Variants in NTN4 observed in about 807,000 individuals in gnomAD.
NTN4 encodes the protein netrin-4.
Under a neutral mutation model 73.6 loss-of-function variants are expected in NTN4, and 32 were observed. That is an observed-to-expected ratio of 0.44 (90% CI 0.33 to 0.58). The LOEUF is 0.58. Ranked by LOEUF, NTN4 falls within the 20% of genes least tolerant of loss-of-function variation. The pLI is 0.04. For synonymous variants in NTN4, 258 were observed against 287.5 expected (o/e 0.90, Z 1.04); for missense variants, 654 against 798.3 (o/e 0.82, Z 2.18).
rs1362190248 is a variant in NTN4, at chr12:95,710,542, TCA to T, written c.1077_1078del (p.Cys359Ter). On this transcript the variant is annotated stop_gained and frameshift_variant, in exon 5 of 10. Transcript: ENST00000343702. LOFTEE classifies it high-confidence loss of function. ...TCCTTCTGTGTTGTGCTGACAGTCA[TCA>T]CAGACACCACCACTACGATTCCCTG... 6.2e-7 allele frequency: 1 copy of T among 1,614,124 alleles called. No homozygotes were observed. The highest frequency in any genetic ancestry group is 8.5e-7 in the Non-Finnish European group (1 of 1,179,984).
intron 2 of NTN4, among the ~76,000 whole-genome samples, chr12:95,775,958 CA>C (rs2079088970): frequency 6.6e-6 from 1 of 152,188 alleles, no homozygotes; most frequent in Non-Finnish European, 1.5e-5. Flanking sequence ...TCCTCTGAGA[CA>C]AAACTTCCAG....
chr12:95,777,545 C>T (rs990992086), intron 2 of NTN4, among the ~76,000 whole-genome samples: 16 of 151,988 alleles, frequency 1.1e-4, no homozygotes, highest in African/African-American at 2.2e-4. Context: ...AAACCAACAA[C>T]GATCAAAAGA....
At chr12:95,742,368 A>C (rs1238465082) in intron 2 of NTN4, among the ~76,000 whole-genome samples, 4 of 149,678 alleles carry the variant, frequency 2.7e-5, no homozygotes, top group Non-Finnish European at 4.5e-5. Flanking sequence ...GTGGCGTTAA[A>C]AAAAAAAAAA....
Position 95,783,512 on chromosome 12 carries a change from A to G in NTN4, c.585+3427T>C, listed in dbSNP as rs2079146974. Among the ~76,000 whole-genome samples, 3 of 152,318 alleles carry G rather than the reference A, an allele frequency of 2.0e-5. No individual in the cohort carries two copies. In the South Asian group the frequency reaches 6.2e-4, roughly 32 times the overall value. The stretch of plus-strand genomic sequence containing the variant: ...TTTACCTTCATGTCATCTCCAAATG[A>G]ATAGCAGCAAATGGCTTTAAGAGAG... On this transcript the variant is annotated intron_variant, in intron 2 of 9. Coordinates refer to ENST00000343702, the MANE Select transcript of NTN4 (RefSeq NM_021229.4).
chr12:95,776,331 GAGA>G (rs1482681855), intron 2 of NTN4, among the ~76,000 whole-genome samples: 2 of 152,206 alleles, frequency 1.3e-5, no homozygotes, highest in Admixed American at 6.5e-5. Context: ...GATGAGTTGA[GAGA>G]AGAAGGCTTC....
At chr12:95,760,321 A>G (rs2121242840) in intron 2 of NTN4, among the ~76,000 whole-genome samples, 1 of 152,342 alleles carries the variant, frequency 6.6e-6, no homozygotes, top group Admixed American at 6.5e-5. Flanking sequence ...TTCAACTACT[A>G]CTTTCTGACA....
chr12:95,751,940 C>CCG, intron 2 of NTN4, among the ~76,000 whole-genome samples: 3 of 145,250 alleles, frequency 2.1e-5, no homozygotes, highest in African/African-American at 5.2e-5. Context: ...CCTTATTAGG[C>CCG]TGACGCTTTA....
At chr12:95,779,646 G>T (rs1022727349) in intron 2 of NTN4, among the ~76,000 whole-genome samples, 1 of 151,842 alleles carries the variant, frequency 6.6e-6, no homozygotes, top group Non-Finnish European at 1.5e-5. Context: ...ACTGCTCAAT[G>T]AAATAAAAGA....
At chr12:95,722,856 T>C (rs1337933685) in intron 3 of NTN4, among the ~76,000 whole-genome samples, 2 of 150,046 alleles carry the variant, frequency 1.3e-5, no homozygotes, top group African/African-American at 2.4e-5. Flanking sequence ...GTGCTGTAAT[T>C]CCACTTACTT....
intron 5 of NTN4, 30 bp downstream of exon 5, chr12:95,710,411 C>T (rs1346821441): frequency 1.9e-6 from 3 of 1,575,158 alleles, no homozygotes; most frequent in African/African-American, 1.4e-5. Flanking sequence ...TACAAATCAG[C>T]CTATTTTCTG....
chr12:95,715,546 A>G (rs2078599288), intron 3 of NTN4, among the ~76,000 whole-genome samples: 1 of 152,144 alleles, frequency 6.6e-6, no homozygotes, highest in Non-Finnish European at 1.5e-5. Context: ...AAGTTTCTAT[A>G]TCAAAATTCC....
intron 4 of NTN4, among the ~76,000 whole-genome samples, chr12:95,711,860 C>A (rs2121087828): frequency 6.6e-6 from 1 of 152,224 alleles, no homozygotes; most frequent in African/African-American, 2.4e-5. Flanking sequence ...GAATAAGAAT[C>A]CAGATTTTTG....
intron 2 of NTN4, among the ~76,000 whole-genome samples, chr12:95,773,505 T>C (rs2079071895): frequency 6.6e-6 from 1 of 152,106 alleles, no homozygotes; most frequent in African/African-American, 2.4e-5. Context: ...ATCACTCTGA[T>C]CTCACCTACT....
intron 2 of NTN4, among the ~76,000 whole-genome samples, chr12:95,765,567 G>A (rs374251026): frequency 9.2e-5 from 14 of 152,256 alleles, no homozygotes; most frequent in Admixed American, 1.3e-4. Flanking sequence ...GTATTTGTAC[G>A]TTAGTTGTCT....
chr12:95,714,963 G>A (rs2078594909), intron 3 of NTN4, among the ~76,000 whole-genome samples: 1 of 152,120 alleles, frequency 6.6e-6, no homozygotes, highest in Non-Finnish European at 1.5e-5. Flanking sequence ...CCGATACACT[G>A]ATATACTACT....
At chr12:95,747,701 T>C (rs1445700244) in intron 2 of NTN4, among the ~76,000 whole-genome samples, 2 of 152,180 alleles carry the variant, frequency 1.3e-5, no homozygotes, top group Non-Finnish European at 2.9e-5. Context: ...TCAATAATGT[T>C]ACTGAATGAG....
chr12:95,683,784 C>T (rs2120995295), intron 5 of NTN4, 73 bp from the exon 6 acceptor site: 1 of 1,183,772 alleles, frequency 8.4e-7, no homozygotes, highest in East Asian at 2.6e-5. Flanking sequence ...GCTTGACCAT[C>T]CCCAAGTGGC....
intron 9 of NTN4, 38 bp downstream of exon 9, chr12:95,665,772 A>G (rs377480246): frequency 1.6e-5 from 24 of 1,520,442 alleles, no homozygotes; most frequent in Non-Finnish European, 2.0e-5. Flanking sequence ...ATCAGCAGAG[A>G]CAAGGTAGGT....
In NTN4 at chr12:95,681,789, C is replaced by CT. The variant is rs374043942; in HGVS notation, c.1510+917dup. Among the ~76,000 whole-genome samples the CT allele has an allele frequency of 4.2e-3, 638 of 152,246 alleles. 1 individual carries two copies. The highest frequency in any genetic ancestry group is 7.4e-3 in the Non-Finnish European group (504 of 68,022). Reference sequence around the variant, plus strand: ...GCCCATATTGAGTAAACTCAAAGAGCTATATTTATGTAGTGAGCAGTGTTT... The same window carrying CT: ...GCCCATATTGAGTAAACTCAAAGAGCTTATATTTATGTAGTGAGCAGTGTTT... On this transcript the variant is annotated intron_variant, in intron 7 of 9. Transcript: ENST00000343702.
Sources: gnomAD v4.1 joint callset for allele counts (sites outside exome capture counted in the v4.1 genomes callset) on GRCh38, gnomAD v4.1.1 for gene constraint, MANE v1.5 for transcripts, NCBI Gene and HGNC (gene_info 2026-07-23, HGNC 2026-07-21) for gene names.